GRM3: variants seen among roughly 807,000 people sequenced by gnomAD.
The protein encoded by GRM3 is glutamate metabotropic receptor 3, also known as metabotropic glutamate receptor 3.
Under a neutral mutation model 70.5 loss-of-function variants are expected in GRM3, and 26 were observed. The observed-to-expected ratio is 0.37, with a 90% CI of 0.27 to 0.51. The LOEUF (loss-of-function observed/expected upper bound fraction) is 0.51, where lower values mean the gene tolerates loss of function less well. Among genes scored for constraint, GRM3 ranks in the 20% least tolerant of loss-of-function variants. The pLI is 0.93. For synonymous variants in GRM3, 443 were observed against 434.9 expected (o/e 1.02, Z -0.23); for missense variants, 859 against 1,123.8 (o/e 0.76, Z 3.37).
intron 2 of GRM3, among the ~76,000 whole-genome samples, chr7:86,775,422 A>G (rs966144971): frequency 6.6e-6 from 1 of 152,106 alleles, no homozygotes; most frequent in Non-Finnish European, 1.5e-5. Context: ...TATTGAGATG[A>G]CATCATCCCT....
chr7:86,715,336 C>T (rs1293064880), intron 1 of GRM3, among the ~76,000 whole-genome samples: 1 of 151,948 alleles, frequency 6.6e-6, no homozygotes, highest in East Asian at 1.9e-4. Flanking sequence ...TAACATAAGA[C>T]ATATTTGGGT....
At position 86,644,806 on chromosome 7, in the gene GRM3, T is replaced by A. The variant is rs1162483802; in HGVS notation, c.-207T>A. The A allele has an allele frequency of 1.6e-6, 2 of 1,289,420 alleles. No homozygotes were observed. Among genetic ancestry groups the A allele is most frequent in the South Asian group, 1.2e-5 (1 of 81,024 alleles). 79.9% of individuals were successfully genotyped at this position (1,289,420 alleles called of 1,614,324 possible). A position where few individuals can be genotyped will look rare whatever the true frequency, so the allele number is the denominator to read the frequency against. On this transcript the variant is annotated 5_prime_UTR_variant, in exon 1 of 6. Transcript: ENST00000361669. The stretch of plus-strand genomic sequence containing the variant: ...GACCAACCATGAGCCAGAGCCCGGG[T>A]GCAGGCTCACCGCCGCCGCTGCCAC...
At chr7:86,675,618 G>A (rs1794287216) in intron 1 of GRM3, among the ~76,000 whole-genome samples, 1 of 152,050 alleles carries the variant, frequency 6.6e-6, no homozygotes, top group Non-Finnish European at 1.5e-5. Flanking sequence ...ACTATTGAAA[G>A]CAATGCTCTG....
chr7:86,806,819 C>T (rs1797803312), intron 3 of GRM3, among the ~76,000 whole-genome samples: 1 of 151,784 alleles, frequency 6.6e-6, no homozygotes, highest in South Asian at 2.1e-4. Context: ...AAGTCCTTGC[C>T]CATGCCTATG....
At chr7:86,769,935 C>G (rs1018420350) in intron 2 of GRM3, among the ~76,000 whole-genome samples, 20 of 152,156 alleles carry the variant, frequency 1.3e-4, no homozygotes, top group African/African-American at 4.8e-4. Flanking sequence ...GTATCCTGCA[C>G]TTCTCCATAA....
chr7:86,821,172 G>GTT (rs1798111999), intron 3 of GRM3, among the ~76,000 whole-genome samples: 1 of 121,028 alleles, frequency 8.3e-6, no homozygotes, highest in African/African-American at 4.4e-5. Context: ...CTGAATAAAG[G>GTT]GTTTTTTTTA....
rs183788292 is a variant in GRM3 at position 86,743,774 on chromosome 7, T to A, written c.-140-21232T>A. On this transcript the variant is annotated intron_variant, in intron 1 of 5. Coordinates refer to ENST00000361669, the MANE Select transcript of GRM3 (RefSeq NM_000840.3). ...GAATGGCTGGAGAGCAAGATCTCTG[T>A]GGGCTAGAAAAGAGTGTTCAGCCCC... Among the ~76,000 whole-genome samples, 132 of 152,280 alleles carry A rather than the reference T, an allele frequency of 8.7e-4. 1 individual carries two copies. Among genetic ancestry groups the A allele is most frequent in the African/African-American group, 3.1e-3 (129 of 41,566 alleles).
intron 1 of GRM3, among the ~76,000 whole-genome samples, chr7:86,699,923 G>C (rs76444189): frequency 0.017 from 2,554 of 152,004 alleles, 64 homozygotes; most frequent in African/African-American, 0.056. Flanking sequence ...TGATAATTTT[G>C]AGAGATCTTA....
chr7:86,804,786 A>C (rs1219943839), intron 3 of GRM3, among the ~76,000 whole-genome samples: 2 of 152,276 alleles, frequency 1.3e-5, no homozygotes, highest in South Asian at 4.1e-4. Context: ...GCGGATTTCT[A>C]TTAGTGATAA....
chr7:86,766,055 C>T (rs112626413), intron 2 of GRM3, among the ~76,000 whole-genome samples: 67 of 152,204 alleles, frequency 4.4e-4, no homozygotes, highest in African/African-American at 1.5e-3. Context: ...GTACAAAGCT[C>T]TTTCAAGTTT....
chr7:86,826,522 A>G (rs1798237827), intron 3 of GRM3, among the ~76,000 whole-genome samples: 1 of 152,186 alleles, frequency 6.6e-6, no homozygotes, highest in Non-Finnish European at 1.5e-5. Context: ...GAAACGGCTG[A>G]TGAACGGGGA....
At chr7:86,862,302 T>G (rs1227742799) in intron 5 of GRM3, among the ~76,000 whole-genome samples, 1 of 152,206 alleles carries the variant, frequency 6.6e-6, no homozygotes, top group Non-Finnish European at 1.5e-5. Context: ...GAATCTCACT[T>G]TGCCTTTCCC....
intron 2 of GRM3, among the ~76,000 whole-genome samples, chr7:86,767,992 C>G (rs1405681337): frequency 6.6e-6 from 1 of 151,990 alleles, no homozygotes; most frequent in Non-Finnish European, 1.5e-5. Flanking sequence ...TCAATATCAC[C>G]ATGAAGTCAC....
intron 1 of GRM3, among the ~76,000 whole-genome samples, chr7:86,750,287 C>A (rs1796199717): frequency 1.3e-5 from 2 of 152,080 alleles, no homozygotes; most frequent in South Asian, 4.1e-4. Context: ...ACAAAGCTTT[C>A]CAAGTATCTT....
At chr7:86,697,710 T>C (rs1328510643) in intron 1 of GRM3, among the ~76,000 whole-genome samples, 1 of 151,916 alleles carries the variant, frequency 6.6e-6, no homozygotes. Flanking sequence ...TAAAAAAAAA[T>C]TGAAATCCCT....
chr7:86,687,681 T>TTTA (rs1214404394), intron 1 of GRM3, among the ~76,000 whole-genome samples: 2 of 151,644 alleles, frequency 1.3e-5, no homozygotes, highest in African/African-American at 4.8e-5. Flanking sequence ...TAGGAAACAG[T>TTTA]GGAAAAGAAA....
chr7:86,844,328 G>C (rs1798613897), intron 4 of GRM3, among the ~76,000 whole-genome samples: 1 of 152,184 alleles, frequency 6.6e-6, no homozygotes, highest in Non-Finnish European at 1.5e-5. Flanking sequence ...GTGCTATGCA[G>C]ATGAAACAGC....
chr7:86,708,161 C>T (rs926944217), intron 1 of GRM3, among the ~76,000 whole-genome samples: 28 of 152,270 alleles, frequency 1.8e-4, no homozygotes, highest in Admixed American at 1.6e-3. Context: ...AAACTTTCAA[C>T]CCATAGGCCC....
rs141085712 is a variant in GRM3 at position 86,830,942 on chromosome 7, G to A, written c.1325-7897G>A. On this transcript the variant is annotated intron_variant, in intron 3 of 5. Coordinates refer to ENST00000361669, the MANE Select transcript of GRM3 (RefSeq NM_000840.3). ...CACTGTGTGAATGTGGAAGATCAGA[G>A]TAATGCATTAACAAGCCAAGGAACA... Among the ~76,000 whole-genome samples, 6 of 152,264 alleles carry A rather than the reference G, an allele frequency of 3.9e-5. No individual in the cohort carries two copies. In the East Asian group the frequency reaches 1.2e-3, roughly 29 times the overall value.
Sources: allele counts gnomAD v4.1 joint callset (sites outside exome capture counted in the v4.1 genomes callset), GRCh38; gene constraint gnomAD v4.1.1; transcripts MANE v1.5; gene names NCBI Gene and HGNC (gene_info 2026-07-23, HGNC 2026-07-21).